NHSL2: variants seen among roughly 807,000 people sequenced by gnomAD.
NHSL2 encodes NHS-like protein 2.
Under a neutral mutation model 53.4 loss-of-function variants are expected in NHSL2, and 27 were observed. The ratio of observed to expected loss-of-function variants is 0.51; its 90% CI spans 0.37 to 0.70. The LOEUF is 0.70. Ranked by LOEUF, NHSL2 falls within the 30% of genes least tolerant of loss-of-function variation. The pLI, the probability that NHSL2 is intolerant of heterozygous loss-of-function variation, is 0.00. For synonymous variants in NHSL2, 408 were observed against 404.1 expected, an observed-to-expected ratio of 1.01 and a Z score of -0.12; for missense variants, 892 against 980.1, an observed-to-expected ratio of 0.91 and a Z score of 1.20.
chrX:72,087,074 T>C (rs2041854819), intron 1 of NHSL2, among the ~76,000 whole-genome samples: 1 of 111,869 alleles, frequency 8.9e-6, no homozygotes, highest in African/African-American at 3.3e-5. Flanking sequence ...AGTGAGACAT[T>C]ATTGACAATA....
intron 1 of NHSL2, among the ~76,000 whole-genome samples, chrX:72,064,678 T>A (rs1268597999): frequency 8.9e-6 from 1 of 111,808 alleles, no homozygotes; most frequent in Non-Finnish European, 1.9e-5. Context: ...CTTAAGCTGT[T>A]TCACTTTGGG....
intron 1 of NHSL2, among the ~76,000 whole-genome samples, chrX:71,918,371 TTTTTTA>T (rs2041639575): frequency 1.0e-5 from 1 of 99,536 alleles, no homozygotes; most frequent in Non-Finnish European, 1.9e-5. Context: ...TTTTTTTTTT[TTTTTTA>T]AAATGGACTC....
At chrX:72,009,553 C>A (rs1480034049) in intron 1 of NHSL2, among the ~76,000 whole-genome samples, 5 of 112,452 alleles carry the variant, frequency 4.4e-5, no homozygotes, top group Non-Finnish European at 9.4e-5. Context: ...ATGTTTGTTA[C>A]CTTTTCAGTA....
chrX:72,010,539 C>T (rs1381054485), intron 1 of NHSL2, among the ~76,000 whole-genome samples: 1 of 112,393 alleles, frequency 8.9e-6, no homozygotes, highest in East Asian at 2.8e-4. Flanking sequence ...CACTTTCTTC[C>T]AAATCTCTTT....
chrX:71,978,047 T>TA (rs969362341), intron 1 of NHSL2, among the ~76,000 whole-genome samples: 18 of 110,996 alleles, frequency 1.6e-4, no homozygotes, highest in African/African-American at 5.9e-4. Context: ...GTCTCATGTG[T>TA]AAAAAAAAGA....
chrX:71,950,656 A>G (rs1022709492), intron 1 of NHSL2, among the ~76,000 whole-genome samples: 3 of 112,407 alleles, frequency 2.7e-5, no homozygotes, highest in African/African-American at 9.7e-5. Flanking sequence ...AGGGCCGGGC[A>G]TCTATGCCAT....
intron 1 of NHSL2, among the ~76,000 whole-genome samples, chrX:71,980,563 GTGTGGGGTGT>G (rs2041972358): frequency 3.4e-4 from 2 of 5,966 alleles, no homozygotes; most frequent in African/African-American, 4.4e-4. Context: ...TGTGTGGGGT[GTGTGGGGTGT>G]GTGTGTGTGT....
At chrX:72,000,499 T>C (rs1264511471) in intron 1 of NHSL2, among the ~76,000 whole-genome samples, 1 of 112,153 alleles carries the variant, frequency 8.9e-6, no homozygotes, top group East Asian at 2.8e-4. Flanking sequence ...AAATTTATTA[T>C]CTTACAGTTC....
At chrX:71,947,810 C>T (rs1448726526) in intron 1 of NHSL2, among the ~76,000 whole-genome samples, 3 of 111,663 alleles carry the variant, frequency 2.7e-5, no homozygotes, top group Non-Finnish European at 3.8e-5. Context: ...AGCCAAACGT[C>T]GTATATTCTC....
At chrX:72,106,251 T>TACACAC (rs148976162) in intron 1 of NHSL2, among the ~76,000 whole-genome samples, 48 of 105,985 alleles carry the variant, frequency 4.5e-4, no homozygotes, top group African/African-American at 1.5e-3. Flanking sequence ...ATTCCCTCAT[T>TACACAC]ACACACACAC....
At chrX:71,961,616 C>T (rs893780267) in intron 1 of NHSL2, among the ~76,000 whole-genome samples, 8 of 111,196 alleles carry the variant, frequency 7.2e-5, no homozygotes, top group East Asian at 5.6e-4. Context: ...CCATTGAATA[C>T]GATGTTAGCT....
In NHSL2 at chrX:72,028,530, G is replaced by A. The variant is rs766438737; in HGVS notation, c.281-103549G>A. The stretch of plus-strand genomic sequence containing the variant: ...ATCCAATATGGCAGCAGGTCCTTCC[G>A]CCTGGCCTCCTTCCCCAGATCTCTA... On this transcript the variant is annotated intron_variant, in intron 1 of 7. Transcript: ENST00000633930. 8.0e-5 allele frequency among the ~76,000 whole-genome samples: 9 copies of A among 112,196 alleles called. No homozygotes were observed. The South Asian group carries it at 1.5e-3, about 18-fold the overall frequency.
chrX:71,961,002 T>C (rs1024237840), intron 1 of NHSL2, among the ~76,000 whole-genome samples: 2 of 112,503 alleles, frequency 1.8e-5, no homozygotes, highest in Non-Finnish European at 3.8e-5. Flanking sequence ...AGTCTTCCAG[T>C]CCATGAACTT....
chrX:71,969,319 C>CTTT (rs760980869), intron 1 of NHSL2, among the ~76,000 whole-genome samples: 1 of 60,924 alleles, frequency 1.6e-5, no homozygotes, highest in Admixed American at 2.1e-4. Flanking sequence ...TTTTTTTTTT[C>CTTT]TTTTTTTTTT....
At chrX:71,985,527 G>A (rs1441615202) in intron 1 of NHSL2, among the ~76,000 whole-genome samples, 2 of 112,587 alleles carry the variant, frequency 1.8e-5, no homozygotes, top group African/African-American at 6.5e-5. Context: ...CTCACAACTA[G>A]TTTCCAAATT....
chrX:71,958,947 G>T (rs1432583661), intron 1 of NHSL2, among the ~76,000 whole-genome samples: 2 of 112,145 alleles, frequency 1.8e-5, no homozygotes, highest in Non-Finnish European at 3.8e-5. Flanking sequence ...ACTCCTAACT[G>T]CAAGTGACCT....
intron 2 of NHSL2, 101 bp downstream of exon 2, chrX:72,132,335 GAC>G: frequency 5.0e-6 from 4 of 792,248 alleles, no homozygotes; most frequent in Non-Finnish European, 7.1e-6. Context: ...GCAAGATAAA[GAC>G]AGAGAGTTTA....
chrX:72,012,530 C>T (rs2042120330), intron 1 of NHSL2, among the ~76,000 whole-genome samples: 1 of 112,623 alleles, frequency 8.9e-6, no homozygotes, highest in Non-Finnish European at 1.9e-5. Context: ...CAATCTCTAC[C>T]TCCATCTTCA....
At chrX:72,036,233 T>C (rs2042240856) in intron 1 of NHSL2, among the ~76,000 whole-genome samples, 1 of 111,745 alleles carries the variant, frequency 8.9e-6, no homozygotes, top group Non-Finnish European at 1.9e-5. Flanking sequence ...GATTTCCCCA[T>C]CATTCCTGAA....
Sources: allele counts gnomAD v4.1 joint callset (sites outside exome capture counted in the v4.1 genomes callset), GRCh38; gene constraint gnomAD v4.1.1; transcripts MANE v1.5; gene names NCBI Gene and HGNC (gene_info 2026-07-23, HGNC 2026-07-21).